DENND1B: variants seen among roughly 807,000 people sequenced by gnomAD.
DENND1B encodes DENN domain containing 1B, also known as DENN domain-containing protein 1B.
DENND1B carries 59 observed loss-of-function variants against 90.1 expected under a neutral mutation model. The observed-to-expected ratio is 0.65, with a 90% CI of 0.53 to 0.81. DENND1B has a LOEUF of 0.81. Among genes scored for constraint, DENND1B ranks in the 40% least tolerant of loss-of-function variants. DENND1B has a pLI of 0.00. For synonymous variants in DENND1B, 337 were observed against 324.6 expected (o/e 1.04, Z -0.41); for missense variants, 862 against 912.6 (o/e 0.94, Z 0.71).
chr1:197,608,291 A>G (rs1676870255), intron 12 of DENND1B, among the ~76,000 whole-genome samples: 1 of 150,672 alleles, frequency 6.6e-6, no homozygotes, highest in Non-Finnish European at 1.5e-5. Context: ...TCCACATGTT[A>G]AGAAAGGCAT....
At chr1:197,707,641 T>C (rs1329462737) in intron 3 of DENND1B, among the ~76,000 whole-genome samples, 1 of 147,016 alleles carries the variant, frequency 6.8e-6, no homozygotes, top group African/African-American at 2.5e-5. Context: ...ATATATTATA[T>C]AATATACATA....
chr1:197,745,712 A>C (rs566415146), intron 2 of DENND1B, among the ~76,000 whole-genome samples: 10 of 150,536 alleles, frequency 6.6e-5, no homozygotes, highest in African/African-American at 2.4e-4. Flanking sequence ...CTGTCTGCTT[A>C]ATACAATTAC....
intron 7 of DENND1B, among the ~76,000 whole-genome samples, chr1:197,647,463 T>C (rs1248321920): frequency 6.6e-6 from 1 of 152,156 alleles, no homozygotes; most frequent in African/African-American, 2.4e-5. Context: ...TACATAATCA[T>C]CCATTTTAAT....
chr1:197,615,186 C>A (rs570061834), intron 11 of DENND1B, among the ~76,000 whole-genome samples: 2 of 151,124 alleles, frequency 1.3e-5, no homozygotes, highest in South Asian at 2.1e-4. Context: ...ATCTGTGAAT[C>A]TTGCAATGGC....
intron 15 of DENND1B, among the ~76,000 whole-genome samples, chr1:197,575,018 C>T (rs971810193): frequency 1.3e-5 from 2 of 152,202 alleles, no homozygotes; most frequent in African/African-American, 4.8e-5. Context: ...CCATTCAGGA[C>T]ATAGGCATGG....
intron 2 of DENND1B, chr1:197,747,202 T>C: frequency 1.4e-6 from 1 of 722,494 alleles, no homozygotes. Context: ...ATGTTTTTTA[T>C]GCAATTCTTG....
chr1:197,649,105 AAC>A (rs1558353932), intron 7 of DENND1B, among the ~76,000 whole-genome samples: 1 of 152,232 alleles, frequency 6.6e-6, no homozygotes, highest in Non-Finnish European at 1.5e-5. Flanking sequence ...CTAGACTAAC[AAC>A]ACATAGTCAA....
chr1:197,761,610 G>T (rs963833733), intron 2 of DENND1B, among the ~76,000 whole-genome samples: 1 of 151,968 alleles, frequency 6.6e-6, no homozygotes, highest in Non-Finnish European at 1.5e-5. Context: ...AACTACCCAC[G>T]TGATAAAATT....
chr1:197,717,830 T>C (rs534553499), intron 2 of DENND1B, among the ~76,000 whole-genome samples: 2 of 152,094 alleles, frequency 1.3e-5, no homozygotes, highest in South Asian at 2.1e-4. Context: ...AAAAAGAGTA[T>C]GCAGTAAAAG....
chr1:197,770,722 C>CTATAAATATA (rs1363013251), intron 2 of DENND1B, among the ~76,000 whole-genome samples: 2 of 126,630 alleles, frequency 1.6e-5, no homozygotes, highest in Admixed American at 1.7e-4. Flanking sequence ...AAATATATAT[C>CTATAAATATA]TATAAATATA....
chr1:197,510,576 C>G lies in DENND1B; in HGVS notation c.2212G>C (p.Glu738Gln), dbSNP rs1558185140. Residue 738 changes from glutamate (E) to glutamine (Q), a missense_variant, in exon 23 of 23, where the codon GAG becomes CAG. Coordinates refer to ENST00000620048, the MANE Select transcript of DENND1B (RefSeq NM_001195215.2). ...PWEKEGKEAK[E>Q]TSEDIGLLHE... ...AGCAGTCCAATATCTTCTGAAGTCT[C>G]TTTGGCTTCTTTCCCTTCTTTCTCC... 6.2e-7 allele frequency: 1 copy of G among 1,612,732 alleles called. No homozygotes were observed.
chr1:197,622,965 T>G (rs1249253264), intron 10 of DENND1B, among the ~76,000 whole-genome samples: 1 of 151,354 alleles, frequency 6.6e-6, no homozygotes, highest in Non-Finnish European at 1.5e-5. Context: ...TCTAGTATAA[T>G]CACCACTATG....
At position 197,542,733 on chromosome 1, in the gene DENND1B, T is replaced by C. The variant is rs1670425588; in HGVS notation, c.1351-1718A>G. Among the ~76,000 whole-genome samples the C allele has an allele frequency of 2.0e-5, 3 of 152,138 alleles. No individual in the cohort carries two copies. In the South Asian group the frequency reaches 6.2e-4, roughly 31 times the overall value. On this transcript the variant is annotated intron_variant, in intron 18 of 22. Coordinates refer to ENST00000620048, the MANE Select transcript of DENND1B (RefSeq NM_001195215.2). ...TACACATTTCAGAAAATGAGCAGTCTGGAAAGATCAGTTTTAGAAACAATT... is the reference window on the plus strand; with the variant it reads ...TACACATTTCAGAAAATGAGCAGTCCGGAAAGATCAGTTTTAGAAACAATT...
chr1:197,679,763 T>A (rs1229503825), intron 3 of DENND1B, among the ~76,000 whole-genome samples: 1 of 149,706 alleles, frequency 6.7e-6, no homozygotes, highest in Non-Finnish European at 1.5e-5. Flanking sequence ...AGAAGTATTT[T>A]AAAAAATCAA....
intron 2 of DENND1B, among the ~76,000 whole-genome samples, chr1:197,742,583 C>A (rs1663317865): frequency 1.3e-5 from 2 of 152,016 alleles, no homozygotes; most frequent in South Asian, 4.1e-4. Context: ...ATATTTGAAA[C>A]AAATATTTTT....
rs35506280 is a variant in DENND1B, at chr1:197,691,260, C to CA, written c.127-17092dup. ...ATAAGGAACTCCTATAACTTAACAG[C>CA]AAAAAAAAAAAAAAAGACCTGATCA... is the stretch of plus-strand genomic sequence containing the variant. On this transcript the variant is annotated intron_variant, in intron 3 of 22. Coordinates refer to ENST00000620048, the MANE Select transcript of DENND1B (RefSeq NM_001195215.2). 7.7e-3 allele frequency among the ~76,000 whole-genome samples: 840 copies of CA among 108,576 alleles called. 5 individuals are homozygous for CA. The highest frequency in any genetic ancestry group is 0.019 in the African/African-American group (590 of 30,522). The allele number at this position is 108,576 out of a possible 152,430, so 71.2% of individuals were successfully genotyped here. A position where few individuals can be genotyped will look rare whatever the true frequency, so the allele number is the denominator to read the frequency against.
chr1:197,653,641 G>A (rs2125939830), intron 6 of DENND1B, among the ~76,000 whole-genome samples: 1 of 151,972 alleles, frequency 6.6e-6, no homozygotes, highest in Admixed American at 6.6e-5. Flanking sequence ...AACACAAATG[G>A]AGCCTCCCCT....
At position 197,619,697 on chromosome 1, in the gene DENND1B, G is replaced by A. The variant is rs1360781224; in HGVS notation, c.673-1938C>T. Reference sequence around the variant, plus strand: ...TCCAAAGCACTCTACTAAATGCCATGTAAATACTTTCCCTGCCTCCTTACT... The same window carrying A: ...TCCAAAGCACTCTACTAAATGCCATATAAATACTTTCCCTGCCTCCTTACT... On this transcript the variant is annotated intron_variant, in intron 10 of 22. Transcript: ENST00000620048. Among the ~76,000 whole-genome samples, 3 of 151,344 alleles carry A rather than the reference G, an allele frequency of 2.0e-5. No individual in the cohort carries two copies. In the East Asian group the frequency reaches 5.9e-4, roughly 30 times the overall value.
chr1:197,557,587 C>G (rs1162175782), intron 15 of DENND1B, among the ~76,000 whole-genome samples: 1 of 151,842 alleles, frequency 6.6e-6, no homozygotes, highest in Non-Finnish European at 1.5e-5. Context: ...CAGTGGCAGA[C>G]ACCAATGTAC....
Sources: gnomAD v4.1 joint callset for allele counts (sites outside exome capture counted in the v4.1 genomes callset) on GRCh38, gnomAD v4.1.1 for gene constraint, MANE v1.5 for transcripts, NCBI Gene and HGNC (gene_info 2026-07-23, HGNC 2026-07-21) for gene names.